NLRP8: variants seen among roughly 807,000 people sequenced by gnomAD.
The protein encoded by NLRP8 is NLR family pyrin domain containing 8, also known as NACHT, LRR and PYD domains-containing protein 8.
Under a neutral mutation model 88.7 loss-of-function variants are expected in NLRP8, and 86 were observed. The ratio of observed to expected loss-of-function variants is 0.97; its 90% CI spans 0.81 to 1.16. NLRP8 has a LOEUF of 1.16. Ranked by LOEUF, NLRP8 falls within the 50% of genes most tolerant of loss-of-function variation. The pLI is 0.00. For missense variants in NLRP8, 1,342 were observed against 1,286.5 expected (o/e 1.04, Z -0.66); for synonymous variants, 504 against 494.6 (o/e 1.02, Z -0.25).
At chr19:55,978,408 G>A (rs910917467) in intron 8 of NLRP8, among the ~76,000 whole-genome samples, 30 of 152,128 alleles carry the variant, frequency 2.0e-4, no homozygotes, top group Middle Eastern at 3.4e-3. Flanking sequence ...ATTGCATGAC[G>A]TATAAAGAAA....
chr19:55,954,275 C>G (rs777028755), intron 2 of NLRP8, among the ~76,000 whole-genome samples: 2 of 152,194 alleles, frequency 1.3e-5, no homozygotes, highest in Non-Finnish European at 2.9e-5. Flanking sequence ...CGCCATACTT[C>G]TCACGTAGAA....
intron 6 of NLRP8, among the ~76,000 whole-genome samples, chr19:55,972,326 G>T (rs977497648): frequency 6.6e-6 from 1 of 151,786 alleles, no homozygotes; most frequent in South Asian, 2.1e-4. Context: ...CGTTGGCCAG[G>T]CTGGTCTTGA....
At position 55,976,124 on chromosome 19, in the gene NLRP8, T is replaced by C; in HGVS notation, c.2706-9T>C. 1 of 1,583,730 alleles carries C rather than the reference T, an allele frequency of 6.3e-7. No individual in the cohort carries two copies. The highest frequency in any genetic ancestry group is 8.6e-7 in the Non-Finnish European group (1 of 1,168,768). Reference sequence around the variant, plus strand: ...GTTGTTGTTGTTTTTAACCTGTGTTTCTTTGCAGACTGAGAAAGTGTGACT... The same window carrying C: ...GTTGTTGTTGTTTTTAACCTGTGTTCCTTTGCAGACTGAGAAAGTGTGACT... On this transcript the variant is annotated splice_polypyrimidine_tract_variant and intron_variant, in intron 7 of 9. Coordinates refer to ENST00000291971, the MANE Select transcript of NLRP8 (RefSeq NM_176811.2).
Position 55,986,296 on chromosome 19 carries a change from ACT to A in NLRP8, c.3048-1515_3048-1514del, listed in dbSNP as rs368782329. 2.2e-3 allele frequency among the ~76,000 whole-genome samples: 339 copies of A among 150,684 alleles called. 2 individuals carry two copies. The highest frequency in any genetic ancestry group is 7.9e-3 in the African/African-American group (324 of 40,956). The stretch of plus-strand genomic sequence containing the variant: ...AACACACACTCACACTCACACACAC[ACT>A]CTATCATACACAGTCTCTCACACAC... On this transcript the variant is annotated intron_variant, in intron 9 of 9. Transcript: ENST00000291971.
chr19:55,955,396 C>A lies in NLRP8; in HGVS notation c.1338C>A (p.Ile446=). The change falls in exon 3 of 10, where the codon ATC becomes ATA. Residue 446 remains isoleucine (I), a synonymous_variant. Transcript: ENST00000291971. ...GAGCTGAGAACTTTTCCAGAAAGAT[C>A]CACCAAGCACAACTGGAAGGTCTGT... 1.9e-6 allele frequency: 3 copies of A among 1,614,172 alleles called. No individual in the cohort carries two copies. The highest frequency in any genetic ancestry group is 2.2e-5 in the South Asian group (2 of 91,084).
At chr19:55,982,555 A>C (rs1980618689) in intron 9 of NLRP8, among the ~76,000 whole-genome samples, 1 of 152,260 alleles carries the variant, frequency 6.6e-6, no homozygotes, top group Non-Finnish European at 1.5e-5. Context: ...TAAAGGAACC[A>C]AGAATCTTCA....
intron 1 of NLRP8, 73 bp from the exon 2 acceptor site, chr19:55,952,465 T>C: frequency 1.6e-6 from 2 of 1,263,570 alleles, no homozygotes; most frequent in Non-Finnish European, 2.3e-6. Flanking sequence ...AAAAAGGCCA[T>C]TGGCTCCATG....
chr19:55,948,171 A>G lies in NLRP8; in HGVS notation c.269A>G (p.Glu90Gly). Residue 90 changes from glutamate to glycine, a missense_variant, in exon 1 of 10, where the codon GAG becomes GGG. Coordinates refer to ENST00000291971, the MANE Select transcript of NLRP8 (RefSeq NM_176811.2). ...GCAGAGGTGGTTCATCTCTTGATAGAGCGTTTCCCTGGACGACGCGCTTGG... is the reference window on the plus strand; with the variant it reads ...GCAGAGGTGGTTCATCTCTTGATAGGGCGTTTCCCTGGACGACGCGCTTGG... 6.2e-7 allele frequency: 1 copy of G among 1,614,134 alleles called. No homozygotes were observed. The highest frequency in any genetic ancestry group is 1.1e-5 in the South Asian group (1 of 91,086).
In NLRP8 at chr19:55,960,618, T is replaced by C. The variant is rs1302635602; in HGVS notation, c.2043-1449T>C. 7.2e-5 allele frequency among the ~76,000 whole-genome samples: 11 copies of C among 152,220 alleles called. 1 individual carries two copies. The highest frequency in any genetic ancestry group is 1.6e-4 in the Non-Finnish European group (11 of 68,038). On this transcript the variant is annotated intron_variant, in intron 3 of 9. Transcript: ENST00000291971. ...ATGTTGGTTAGTCCATTGATCACTT[T>C]TGTATGGGTTCCTGCAGGGAGTTGA...
rs1364639738 is a variant in NLRP8, at chr19:55,973,820, G to A, written c.2703G>A (p.Leu901=). 4 of 1,607,978 alleles carry A rather than the reference G, an allele frequency of 2.5e-6. No individual in the cohort carries two copies. Among genetic ancestry groups the A allele is most frequent in the South Asian group, 2.2e-5 (2 of 90,328 alleles). The stretch of plus-strand genomic sequence containing the variant: ...ACCTGAGATGTCCTCTGCAGAGGCT[G>A]GTGTAAGTCCCAGAATGTTTTCTTC... Residue 901 remains leucine, a splice_region_variant and synonymous_variant, in exon 7 of 10, where the codon CTG becomes CTA. Transcript: ENST00000291971.
Position 55,955,350 on chromosome 19 carries a change from T to C in NLRP8, c.1292T>C (p.Ile431Thr). Residue 431 changes from isoleucine to threonine, a missense_variant, in exon 3 of 10, where the codon ATT (isoleucine) becomes ACT (threonine). Transcript: ENST00000291971. The stretch of plus-strand genomic sequence containing the variant: ...GCCACCTCTGTGTTCGTCCGGTATA[T>C]TTCTAGCTTGTTTCCCACCAGAGCT... 6.2e-7 allele frequency: 1 copy of C among 1,614,204 alleles called. No individual in the cohort carries two copies. The highest frequency in any genetic ancestry group is 1.1e-5 in the South Asian group (1 of 91,084).
At chr19:55,954,164 A>G (rs1296359043) in intron 2 of NLRP8, among the ~76,000 whole-genome samples, 2 of 152,246 alleles carry the variant, frequency 1.3e-5, no homozygotes, top group South Asian at 2.1e-4. Context: ...GCGATCTTCT[A>G]TCTGTGAGGC....
intron 5 of NLRP8, among the ~76,000 whole-genome samples, chr19:55,968,469 G>A (rs533102585): frequency 4.7e-5 from 7 of 148,378 alleles, no homozygotes; most frequent in African/African-American, 5.0e-5. Flanking sequence ...GGCCAGGCAC[G>A]GTGGCTCACG....
At chr19:55,978,290 T>G (rs1361893732) in intron 8 of NLRP8, among the ~76,000 whole-genome samples, 4 of 152,194 alleles carry the variant, frequency 2.6e-5, no homozygotes, top group Non-Finnish European at 4.4e-5. Flanking sequence ...TTACTGAGAT[T>G]ATTTTTTAAT....
chr19:55,962,970 G>C (rs1268994625), intron 4 of NLRP8, among the ~76,000 whole-genome samples: 2 of 152,064 alleles, frequency 1.3e-5, no homozygotes, highest in Non-Finnish European at 2.9e-5. Flanking sequence ...TGAGCACTGA[G>C]TATGGTTCAC....
intron 4 of NLRP8, 118 bp from the exon 5 acceptor site, chr19:55,966,095 C>T (rs899703980): frequency 1.2e-6 from 1 of 802,464 alleles, no homozygotes; most frequent in Non-Finnish European, 2.1e-6. Flanking sequence ...TGTAAACCCC[C>T]TGAGAGTGGG....
intron 7 of NLRP8, 54 bp from the exon 8 acceptor site, chr19:55,976,079 G>A: frequency 1.4e-6 from 2 of 1,402,112 alleles, no homozygotes; most frequent in South Asian, 3.1e-5. Context: ...TGTTGTTGTT[G>A]TTGTTTTGTT....
At position 55,972,133 on chromosome 19, in the gene NLRP8, G is replaced by A. The variant is rs532348929; in HGVS notation, c.2534+1437G>A. On this transcript the variant is annotated intron_variant, in intron 6 of 9. Transcript: ENST00000291971. Reference sequence around the variant, plus strand: ...GTTTTAATTTTTTTTTTTTTTTTTTGAGACAGAATCTTGCTCTGTTGCCCA... The same window carrying A: ...GTTTTAATTTTTTTTTTTTTTTTTTAAGACAGAATCTTGCTCTGTTGCCCA... Among the ~76,000 whole-genome samples, 5 of 67,650 alleles carry A rather than the reference G, an allele frequency of 7.4e-5. No homozygotes were observed. In the East Asian group the frequency reaches 1.6e-3, roughly 21 times the overall value. The allele number at this position is 67,650 out of a possible 152,430, so 44.4% of individuals were successfully genotyped here. A position where few individuals can be genotyped will look rare whatever the true frequency, so the allele number is the denominator to read the frequency against.
chr19:55,980,764 C>T (rs144279671), intron 9 of NLRP8, among the ~76,000 whole-genome samples: 9 of 152,294 alleles, frequency 5.9e-5, no homozygotes, highest in Non-Finnish European at 1.3e-4. Context: ...CGTCCCATCA[C>T]GTCTGCCTTG....
Sources: gnomAD v4.1 joint callset for allele counts (sites outside exome capture counted in the v4.1 genomes callset) on GRCh38, gnomAD v4.1.1 for gene constraint, MANE v1.5 for transcripts, NCBI Gene and HGNC (gene_info 2026-07-23, HGNC 2026-07-21) for gene names.